The following MAGI2 variants were observed in gnomAD, a reference collection of about 807,000 sequenced individuals.
MAGI2 encodes membrane-associated guanylate kinase, WW and PDZ domain-containing protein 2.
Under a neutral mutation model 133.3 loss-of-function variants are expected in MAGI2, and 35 were observed. The observed-to-expected ratio is 0.26, with a 90% CI of 0.20 to 0.35. The LOEUF (loss-of-function observed/expected upper bound fraction) is 0.35, where lower values mean the gene tolerates loss of function less well. MAGI2 is among the 10% of genes least tolerant of loss of function. MAGI2 has a pLI of 1.00. For missense variants in MAGI2, 1,636 were observed against 1,863.4 expected, an observed-to-expected ratio of 0.88 and a Z score of 2.25; for synonymous variants, 729 against 710.6, an observed-to-expected ratio of 1.03 and a Z score of -0.41.
chr7:79,014,609 A>T (rs2116620314), intron 1 of MAGI2, among the ~76,000 whole-genome samples: 1 of 152,266 alleles, frequency 6.6e-6, no homozygotes, highest in South Asian at 2.1e-4. Flanking sequence ...GGACATAATA[A>T]TCTAACCTAA....
At chr7:79,374,624 T>C (rs1843269833) in intron 1 of MAGI2, among the ~76,000 whole-genome samples, 5 of 151,992 alleles carry the variant, frequency 3.3e-5, no homozygotes. Flanking sequence ...ACAATATACA[T>C]GTAATATAAT....
rs1487142840 is a variant in MAGI2 at position 78,343,868 on chromosome 7, T to C, written c.1318A>G (p.Ile440Val). 8 of 1,613,424 alleles carry C rather than the reference T, an allele frequency of 5.0e-6. No homozygotes were observed. Among genetic ancestry groups the C allele is most frequent in the Middle Eastern group, 1.6e-4 (1 of 6,080 alleles). The change falls in exon 9 of 22, where the codon ATC becomes GTC. Residue 440 changes from isoleucine to valine, a missense_variant. By Grantham distance (29) the Ile-to-Val change is conservative. Coordinates refer to ENST00000354212, the MANE Select transcript of MAGI2 (RefSeq NM_012301.4). The stretch of plus-strand genomic sequence containing the variant: ...TCATCAGGCTCGTCTCCACCAATGA[T>C]GGTAAATCCAAAGCCCATGTTGCTC... ...KKSNMGFGFT[I>V]IGGDEPDEFL...
At chr7:78,420,962 A>G (rs979867274) in intron 6 of MAGI2, among the ~76,000 whole-genome samples, 2 of 152,216 alleles carry the variant, frequency 1.3e-5, no homozygotes, top group African/African-American at 4.8e-5. Flanking sequence ...GTAACGGATC[A>G]AAAGGTAAGG....
At chr7:79,342,374 G>C (rs1840967232) in intron 1 of MAGI2, among the ~76,000 whole-genome samples, 1 of 152,178 alleles carries the variant, frequency 6.6e-6, no homozygotes, top group Non-Finnish European at 1.5e-5. Flanking sequence ...ATTGAACAAA[G>C]TGCATCTTTT....
chr7:79,136,377 C>T (rs1265015715), intron 1 of MAGI2, among the ~76,000 whole-genome samples: 1 of 152,154 alleles, frequency 6.6e-6, no homozygotes, highest in Admixed American at 6.5e-5. Flanking sequence ...CATAATTTTG[C>T]CTTGGTTATG....
intron 1 of MAGI2, among the ~76,000 whole-genome samples, chr7:79,184,403 AC>A (rs1372937254): frequency 7.3e-5 from 11 of 151,360 alleles, no homozygotes; most frequent in African/African-American, 2.4e-4. Context: ...TTTCCCAAAA[AC>A]GTATTGAAAT....
At chr7:79,060,746 G>T (rs1361111207) in intron 1 of MAGI2, among the ~76,000 whole-genome samples, 1 of 152,086 alleles carries the variant, frequency 6.6e-6, no homozygotes, top group Non-Finnish European at 1.5e-5. Context: ...CACTTTCAGG[G>T]TTATGGCCTT....
intron 6 of MAGI2, among the ~76,000 whole-genome samples, chr7:78,448,972 A>G (rs1292730978): frequency 1.3e-5 from 2 of 152,082 alleles, no homozygotes; most frequent in African/African-American, 4.8e-5. Context: ...GCGATTCAGC[A>G]GGTGAAGATA....
chr7:78,539,865 G>C (rs10243724), intron 3 of MAGI2, among the ~76,000 whole-genome samples: 17,800 of 152,196 alleles, frequency 0.12, 2,242 homozygotes, highest in East Asian at 0.45. Flanking sequence ...CTTGAATGCT[G>C]ATTGTGCTGA....
At chr7:78,363,479 C>T (rs1336965158) in intron 7 of MAGI2, among the ~76,000 whole-genome samples, 2 of 112,866 alleles carry the variant, frequency 1.8e-5, no homozygotes, top group Admixed American at 1.0e-4. Context: ...GGTGACAGAC[C>T]AAGACTCCAT....
chr7:78,485,597 ATC>A (rs902380272), intron 6 of MAGI2: 1 of 151,950 alleles, frequency 6.6e-6, no homozygotes, highest in Non-Finnish European at 1.5e-5. Context: ...ATCCCCTCTC[ATC>A]TCTCTTTCAC....
At chr7:78,319,704 C>T (rs1016759885) in intron 9 of MAGI2, among the ~76,000 whole-genome samples, 7 of 152,076 alleles carry the variant, frequency 4.6e-5, no homozygotes, top group Non-Finnish European at 8.8e-5. Flanking sequence ...ACCCTAACAT[C>T]ACAATTAAAA....
rs1442840947 is a variant in MAGI2, at chr7:78,711,418, G to C, written c.419-84179C>G. Among the ~76,000 whole-genome samples the C allele has an allele frequency of 3.3e-5, 5 of 152,080 alleles. No homozygotes were observed. The East Asian group carries it at 9.6e-4, about 29-fold the overall frequency. On this transcript the variant is annotated intron_variant, in intron 2 of 21. Transcript: ENST00000354212. ...TTTCATAACGCTTATGTGTAAAATG[G>C]GGGCAGGAATAAAATGGGTGAATTA...
At chr7:79,207,840 C>T (rs1010797342) in intron 1 of MAGI2, among the ~76,000 whole-genome samples, 4 of 152,008 alleles carry the variant, frequency 2.6e-5, no homozygotes, top group East Asian at 3.9e-4. Context: ...AAAACAAACA[C>T]GTAGACCAAT....
intron 1 of MAGI2, among the ~76,000 whole-genome samples, chr7:79,081,885 C>A (rs776503212): frequency 6.6e-6 from 1 of 152,078 alleles, no homozygotes; most frequent in Non-Finnish European, 1.5e-5. Flanking sequence ...AAAAGTAACA[C>A]TATTTTAGCT....
intron 1 of MAGI2, among the ~76,000 whole-genome samples, chr7:79,347,243 C>G (rs964323025): frequency 1.3e-5 from 2 of 151,838 alleles, no homozygotes; most frequent in Non-Finnish European, 2.9e-5. Context: ...AAATAGCACG[C>G]TAAAATCATA....
At chr7:78,193,366 TC>T (rs777189972) in intron 12 of MAGI2, among the ~76,000 whole-genome samples, 13 of 152,166 alleles carry the variant, frequency 8.5e-5, no homozygotes, top group Non-Finnish European at 1.6e-4. Context: ...CCAACTTGCA[TC>T]TTAGAACTGT....
intron 9 of MAGI2, among the ~76,000 whole-genome samples, chr7:78,297,860 A>G (rs553955644): frequency 7.0e-6 from 1 of 142,708 alleles, no homozygotes; most frequent in Admixed American, 7.0e-5. Flanking sequence ...GGGGAGGGAT[A>G]GCATTGGGAG....
intron 9 of MAGI2, among the ~76,000 whole-genome samples, chr7:78,276,188 A>G (rs1397788345): frequency 6.6e-6 from 1 of 152,228 alleles, no homozygotes; most frequent in Non-Finnish European, 1.5e-5. Flanking sequence ...CGATCTTTCA[A>G]TAATTCCTTC....
Sources: allele counts gnomAD v4.1 joint callset (sites outside exome capture counted in the v4.1 genomes callset), GRCh38; gene constraint gnomAD v4.1.1; transcripts MANE v1.5; gene names NCBI Gene and HGNC (gene_info 2026-07-23, HGNC 2026-07-21).